ZNF587B: variants seen among roughly 807,000 people sequenced by gnomAD.
The protein encoded by ZNF587B is zinc finger protein 587B.
ZNF587B carries 6 observed loss-of-function variants against 7.2 expected under a neutral mutation model. That is an observed-to-expected ratio of 0.83 (90% CI 0.46 to 1.65). ZNF587B has a LOEUF of 1.65. Ranked by LOEUF, ZNF587B falls within the 40% of genes most tolerant of loss-of-function variation. The pLI, the probability that ZNF587B is intolerant of heterozygous loss-of-function variation, is 0.01. For synonymous variants in ZNF587B, 274 were observed against 254.3 expected (o/e 1.08, Z -0.74); for missense variants, 749 against 761.0 (o/e 0.98, Z 0.19).
intron 2 of ZNF587B, among the ~76,000 whole-genome samples, chr19:57,840,117 C>G (rs557518593): frequency 3.8e-5 from 5 of 131,776 alleles, no homozygotes; most frequent in Non-Finnish European, 6.4e-5. Flanking sequence ...AAAAAAGCAG[C>G]ACCCTGGAGG....
Position 57,845,968 on chromosome 19 carries a change from AAAAAT to A in ZNF587B, c.*3401_*3405del, listed in dbSNP as rs1165135339. ...GGGTGATAGAGTGAGACCCCATCTT[AAAAAT>A]AAAATAAAGATATAAATGACATCCA... is the stretch of plus-strand genomic sequence containing the variant. On this transcript the variant is annotated 3_prime_UTR_variant, in exon 3 of 3. Transcript: ENST00000594901. 4.9e-4 allele frequency: 74 copies of A among 149,858 alleles called. No homozygotes were observed. Among genetic ancestry groups the A allele is most frequent in the African/African-American group, 1.6e-3 (67 of 41,432 alleles). 9.3% of individuals were successfully genotyped at this position (149,858 alleles called of 1,614,324 possible). A position where few individuals can be genotyped will look rare whatever the true frequency, so the allele number is the denominator to read the frequency against.
In ZNF587B at chr19:57,844,484, G is replaced by C; in HGVS notation, c.*1908G>C. The C allele has an allele frequency of 4.5e-6, 1 of 221,378 alleles. No homozygotes were observed. The highest frequency in any genetic ancestry group is 4.4e-5 in the South Asian group (1 of 22,878). The allele number at this position is 221,378 out of a possible 1,614,324, so 13.7% of individuals were successfully genotyped here. On this transcript the variant is annotated 3_prime_UTR_variant, in exon 3 of 3. Coordinates refer to ENST00000594901, the MANE Select transcript of ZNF587B (RefSeq NM_001376223.1). The stretch of plus-strand genomic sequence containing the variant: ...GCCACTGCACTCCAGCCTGGGTCCT[G>C]CTACCTTGAAGGACAGCATAGCTAA...
Position 57,842,138 on chromosome 19 carries a change from C to G in ZNF587B, c.1464C>G (p.His488Gln), listed in dbSNP as rs746852958. ...ACCTCCTTGTACACCAGAGAATTCACAGTGGAGAGAAGCCATATGCTTGTG... is the reference window on the plus strand; with the variant it reads ...ACCTCCTTGTACACCAGAGAATTCAGAGTGGAGAGAAGCCATATGCTTGTG... Reference protein sequence around the residue: ...KSHLLVHQRIHSGEKPYACEA... With the variant: ...KSHLLVHQRIQSGEKPYACEA... Residue 488 changes from histidine (H) to glutamine (Q), a missense_variant, in exon 3 of 3, where the codon CAC becomes CAG. By Grantham distance (24) the His-to-Gln change is conservative. This residue lies in a region of ZNF587B where 656 missense variants were observed against 596.5 expected (regional missense o/e 1.10). Coordinates refer to ENST00000594901, the MANE Select transcript of ZNF587B (RefSeq NM_001376223.1). 8 of 1,611,986 alleles carry G rather than the reference C, an allele frequency of 5.0e-6. No homozygotes were observed. The highest frequency in any genetic ancestry group is 4.4e-5 in the South Asian group (4 of 90,798).
At chr19:57,839,959 G>A (rs1988773150) in intron 2 of ZNF587B, among the ~76,000 whole-genome samples, 1 of 151,770 alleles carries the variant, frequency 6.6e-6, no homozygotes, top group African/African-American at 2.4e-5. Flanking sequence ...TGTGCCTGTA[G>A]TCCCAGCGAC....
chr19:57,837,631 G>A (rs576104138), intron 1 of ZNF587B, among the ~76,000 whole-genome samples: 3 of 151,996 alleles, frequency 2.0e-5, no homozygotes, highest in Non-Finnish European at 4.4e-5. Context: ...TGTATTTTTA[G>A]TAGAGACGGG....
At chr19:57,831,584 G>T (rs1276801717) in intron 1 of ZNF587B, among the ~76,000 whole-genome samples, 2 of 152,062 alleles carry the variant, frequency 1.3e-5, no homozygotes, top group Non-Finnish European at 2.9e-5. Context: ...AGTAGAGATG[G>T]AGTTTCTCCA....
Position 57,843,249 on chromosome 19 carries a change from C to T in ZNF587B, c.*673C>T. The T allele has an allele frequency of 2.1e-6, 2 of 966,816 alleles. No homozygotes were observed. Among genetic ancestry groups the T allele is most frequent in the Non-Finnish European group, 2.5e-6 (2 of 813,130 alleles). 59.9% of individuals were successfully genotyped at this position (966,816 alleles called of 1,614,324 possible). The stretch of plus-strand genomic sequence containing the variant: ...TCAAGCAATCTGTACACCTCAGCCT[C>T]CCAAAGTGCTGAGATTGTAGGTTTG... On this transcript the variant is annotated 3_prime_UTR_variant, in exon 3 of 3. Transcript: ENST00000594901.
At position 57,843,607 on chromosome 19, in the gene ZNF587B, T is replaced by C. The variant is rs576909045; in HGVS notation, c.*1031T>C. On this transcript the variant is annotated 3_prime_UTR_variant, in exon 3 of 3. Coordinates refer to ENST00000594901, the MANE Select transcript of ZNF587B (RefSeq NM_001376223.1). ...GGTTGGTTGTTTTTTTTTGTTTTTT[T>C]TTTTTTTTTTTTTGGAGACAAAGTT... 1 of 909,416 alleles carries C rather than the reference T, an allele frequency of 1.1e-6. No homozygotes were observed. The highest frequency in any genetic ancestry group is 1.3e-6 in the Non-Finnish European group (1 of 772,600). The allele number at this position is 909,416 out of a possible 1,614,324, so 56.3% of individuals were successfully genotyped here.
At chr19:57,835,262 T>C (rs1430041206) in intron 1 of ZNF587B, among the ~76,000 whole-genome samples, 1 of 108,614 alleles carries the variant, frequency 9.2e-6, no homozygotes, top group East Asian at 2.5e-4. Context: ...GCTAGAATTG[T>C]GATTTACATT....
rs542981902 is a variant in ZNF587B at position 57,840,604 on chromosome 19, C to G, written c.164-234C>G. Among the ~76,000 whole-genome samples, 1,362 of 152,216 alleles carry G rather than the reference C, an allele frequency of 8.9e-3. 11 individuals are homozygous for G. The highest frequency in any genetic ancestry group is 0.015 in the Non-Finnish European group (1,035 of 67,996). ...GATGCAGGGATTGTAGACCCTGCCT[C>G]TACTCCCTGTGTTACATACATGGTT... On this transcript the variant is annotated intron_variant, in intron 2 of 2. Transcript: ENST00000594901.
chr19:57,835,362 T>C (rs1382882651), intron 1 of ZNF587B, among the ~76,000 whole-genome samples: 2 of 119,806 alleles, frequency 1.7e-5, no homozygotes, highest in African/African-American at 3.5e-5. Flanking sequence ...TTGTTTTTGC[T>C]TTTTTTTTTT....
At chr19:57,837,413 C>T (rs1029198521) in intron 1 of ZNF587B, among the ~76,000 whole-genome samples, 12 of 151,350 alleles carry the variant, frequency 7.9e-5, no homozygotes, top group Middle Eastern at 3.4e-3. Flanking sequence ...CCCACCACCA[C>T]GCTCAGCTAG....
chr19:57,832,747 A>G (rs1303942537), intron 1 of ZNF587B, among the ~76,000 whole-genome samples: 1 of 152,256 alleles, frequency 6.6e-6, no homozygotes, highest in Non-Finnish European at 1.5e-5. Flanking sequence ...AGCTGAATCT[A>G]CTTTAGCGGG....
Position 57,840,971 on chromosome 19 carries a change from G to C in ZNF587B, c.297G>C (p.Pro99=), listed in dbSNP as rs769838491. 2 of 1,593,408 alleles carry C rather than the reference G, an allele frequency of 1.3e-6. No homozygotes were observed. Among genetic ancestry groups the C allele is most frequent in the South Asian group, 1.1e-5 (1 of 88,584 alleles). The change falls in exon 3 of 3, where the codon CCG becomes CCC. Residue 99 remains proline, a synonymous_variant. Coordinates refer to ENST00000594901, the MANE Select transcript of ZNF587B (RefSeq NM_001376223.1). ...KKAHPCEMCG[P]ILGDILHVAD... is the part of the protein sequence containing the mutation. ...CCCACCCCTGTGAGATGTGTGGCCCGATCTTGGGAGACATTTTGCATGTGG... is the reference window on the plus strand; with the variant it reads ...CCCACCCCTGTGAGATGTGTGGCCCCATCTTGGGAGACATTTTGCATGTGG...
At position 57,842,879 on chromosome 19, in the gene ZNF587B, A is replaced by T; in HGVS notation, c.*303A>T. 3.0e-6 allele frequency: 3 copies of T among 985,452 alleles called. No individual in the cohort carries two copies. Among genetic ancestry groups the T allele is most frequent in the Non-Finnish European group, 3.6e-6 (3 of 829,940 alleles). The allele number at this position is 985,452 out of a possible 1,614,324, so 61.0% of individuals were successfully genotyped here. On this transcript the variant is annotated 3_prime_UTR_variant, in exon 3 of 3. Coordinates refer to ENST00000594901, the MANE Select transcript of ZNF587B (RefSeq NM_001376223.1). ...TCACAGGAGAGCTGTCACTACGGAA[A>T]TGCCTTTTGAATGTAATGTTTGCAA... is the stretch of plus-strand genomic sequence containing the variant.
chr19:57,830,747 C>T (rs1161926166), intron 1 of ZNF587B, among the ~76,000 whole-genome samples, 183 bp downstream of exon 1: 1 of 139,064 alleles, frequency 7.2e-6, no homozygotes, highest in Non-Finnish European at 1.6e-5. Flanking sequence ...AGTCACTGTA[C>T]CTGAGCGAGT....
rs1038803403 is a variant in ZNF587B, at chr19:57,835,842, G to C, written c.37-3181G>C. 3.2e-4 allele frequency among the ~76,000 whole-genome samples: 47 copies of C among 147,014 alleles called. No individual in the cohort carries two copies. The South Asian group carries it at 3.9e-3, about 12-fold the overall frequency. On this transcript the variant is annotated intron_variant, in intron 1 of 2. Coordinates refer to ENST00000594901, the MANE Select transcript of ZNF587B (RefSeq NM_001376223.1). The stretch of plus-strand genomic sequence containing the variant: ...TATCTGGGAAGGAATTGATATTGGA[G>C]ACATCCAGTATATGATAGCTAATGT...
In ZNF587B at chr19:57,841,222, C is replaced by T. The variant is rs1988828020; in HGVS notation, c.548C>T (p.Ser183Leu). 1 of 1,613,972 alleles carries T rather than the reference C, an allele frequency of 6.2e-7. No homozygotes were observed. The highest frequency in any genetic ancestry group is 8.5e-7 in the Non-Finnish European group (1 of 1,180,030). Residue 183 changes from serine to leucine, a missense_variant, in exon 3 of 3, where the codon TCA (serine) becomes TTA (leucine). Ser to Leu is a moderately radical substitution (Grantham distance 145, BLOSUM62 -2). Around this residue, in one of 3 missense-constraint regions of ZNF587B, gnomAD observed 656 missense variants for 596.5 expected, o/e 1.10. Coordinates refer to ENST00000594901, the MANE Select transcript of ZNF587B (RefSeq NM_001376223.1). ...SESGKDFLPR[S>L]GLLQQEASHT... ...AGTGGGAAGGACTTTTTGCCCAGGT[C>T]AGGATTACTCCAGCAGGAGGCCAGT...
At position 57,842,683 on chromosome 19, in the gene ZNF587B, C is replaced by A; in HGVS notation, c.*107C>A. On this transcript the variant is annotated 3_prime_UTR_variant, in exon 3 of 3. Transcript: ENST00000594901. ...AATGTTTACCCAAAAGAAGTCTGCT[C>A]TCCTTGGACATTGGAGAGTTCACAC... 1 of 1,342,110 alleles carries A rather than the reference C, an allele frequency of 7.5e-7. No individual in the cohort carries two copies. The highest frequency in any genetic ancestry group is 9.5e-7 in the Non-Finnish European group (1 of 1,052,316). 83.1% of individuals were successfully genotyped at this position (1,342,110 alleles called of 1,614,324 possible).
Sources: allele counts gnomAD v4.1 joint callset (sites outside exome capture counted in the v4.1 genomes callset), GRCh38; gene constraint gnomAD v4.1.1; regional missense constraint gnomAD v4.1.1; transcripts MANE v1.5; gene names NCBI Gene and HGNC (gene_info 2026-07-23, HGNC 2026-07-21).